Variants in NBEA observed in about 807,000 individuals in gnomAD.
NBEA encodes lysosomal-trafficking regulator 2.
A neutral mutation model predicts 343.4 loss-of-function variants in NBEA; 44 were observed. That is an observed-to-expected ratio of 0.13 (90% CI 0.10 to 0.16). The LOEUF (loss-of-function observed/expected upper bound fraction) is 0.16, where lower values mean the gene tolerates loss of function less well. Ranked by LOEUF, NBEA falls within the 10% of genes least tolerant of loss-of-function variation. NBEA has a pLI of 1.00. For missense variants in NBEA, 2,555 were observed against 3,631.3 expected (o/e 0.70, Z 7.62); for synonymous variants, 1,175 against 1,238.7 (o/e 0.95, Z 1.08).
chr13:35,528,835 C>T (rs964440389), intron 41 of NBEA, among the ~76,000 whole-genome samples: 1 of 152,072 alleles, frequency 6.6e-6, no homozygotes, highest in African/African-American at 2.4e-5. Context: ...AACTCATGGT[C>T]TTTTTCTAGG....
chr13:34,967,369 A>G (rs541210262), intron 1 of NBEA, among the ~76,000 whole-genome samples: 1 of 151,762 alleles, frequency 6.6e-6, no homozygotes. Context: ...TAAAAAAGCA[A>G]AACTGAGACC....
intron 38 of NBEA, among the ~76,000 whole-genome samples, chr13:35,373,338 C>T (rs1594392178): frequency 2.0e-5 from 3 of 152,258 alleles, no homozygotes; most frequent in Admixed American, 2.0e-4. Context: ...CCCCACATAA[C>T]ACATATTTTA....
chr13:35,447,574 G>A (rs1194754825), intron 39 of NBEA, among the ~76,000 whole-genome samples: 7 of 152,046 alleles, frequency 4.6e-5, no homozygotes, highest in Admixed American at 3.3e-4. Flanking sequence ...AATAACATAA[G>A]TGCGGTTTTG....
At chr13:35,357,181 A>AAAATGTT (rs58221490) in intron 38 of NBEA, among the ~76,000 whole-genome samples, 3 of 151,804 alleles carry the variant, frequency 2.0e-5, no homozygotes, top group South Asian at 4.1e-4. Flanking sequence ...TAGTTTTGAT[A>AAAATGTT]CTTTCCACAT....
At chr13:35,414,918 C>G (rs910980303) in intron 38 of NBEA, among the ~76,000 whole-genome samples, 3 of 152,062 alleles carry the variant, frequency 2.0e-5, no homozygotes, top group Non-Finnish European at 4.4e-5. Context: ...ATTCAATGAT[C>G]GCCATTCTAA....
intron 38 of NBEA, among the ~76,000 whole-genome samples, chr13:35,382,680 C>G (rs2152893053): frequency 6.6e-6 from 1 of 152,196 alleles, no homozygotes; most frequent in Non-Finnish European, 1.5e-5. Flanking sequence ...TTTTTTAAAT[C>G]ACAACTTTTT....
At position 35,098,344 on chromosome 13, in the gene NBEA, C is replaced by T. The variant is rs768144734; in HGVS notation, c.1619C>T (p.Ala540Val). 3.1e-6 allele frequency: 5 copies of T among 1,593,928 alleles called. No homozygotes were observed. The South Asian group carries it at 5.7e-5, about 18-fold the overall frequency. ...FLVELLKSSV[A>V]MQEQMLGGKG... ...GTTGAACTACTTAAAAGTTCAGTAG[C>T]CATGCAAGAACAGATGCTGGGTGGA... The change falls in exon 11 of 59, where the codon GCC becomes GTC. Residue 540 changes from alanine to valine, a missense_variant. Physicochemically the swap from Ala to Val is moderately conservative, Grantham distance 64. Coordinates refer to ENST00000379939, the MANE Select transcript of NBEA (RefSeq NM_001385012.1).
intron 41 of NBEA, among the ~76,000 whole-genome samples, chr13:35,543,614 C>T (rs953008427): frequency 6.6e-6 from 1 of 152,104 alleles, no homozygotes; most frequent in African/African-American, 2.4e-5. Context: ...TGCTCCTACC[C>T]CTCAACAGAT....
At chr13:35,103,931 T>A (rs2065784300) in intron 11 of NBEA, among the ~76,000 whole-genome samples, 1 of 151,900 alleles carries the variant, frequency 6.6e-6, no homozygotes, top group Non-Finnish European at 1.5e-5. Flanking sequence ...ATTGGTTACC[T>A]ACAATCCATT....
intron 44 of NBEA, among the ~76,000 whole-genome samples, chr13:35,560,984 G>A (rs909551852): frequency 2.0e-5 from 3 of 152,110 alleles, no homozygotes; most frequent in East Asian, 1.9e-4. Context: ...GGATTGAGCC[G>A]CAAGAAGCTG....
At chr13:35,588,485 T>G (rs1471494018) in intron 46 of NBEA, among the ~76,000 whole-genome samples, 1 of 152,166 alleles carries the variant, frequency 6.6e-6, no homozygotes, top group Non-Finnish European at 1.5e-5. Context: ...GTTATTTGTT[T>G]CAATGTACTT....
At chr13:35,239,044 A>C (rs2152776527) in intron 34 of NBEA, among the ~76,000 whole-genome samples, 1 of 152,254 alleles carries the variant, frequency 6.6e-6, no homozygotes, top group South Asian at 2.1e-4. Context: ...TAATTTCAGA[A>C]TTATTGTTTT....
intron 36 of NBEA, among the ~76,000 whole-genome samples, chr13:35,338,579 C>T (rs2039402238): frequency 6.6e-6 from 1 of 152,026 alleles, no homozygotes; most frequent in Non-Finnish European, 1.5e-5. Context: ...TCTCCCAAAA[C>T]ATAGACGAGG....
At chr13:35,249,700 T>C (rs992128901) in intron 34 of NBEA, among the ~76,000 whole-genome samples, 1 of 152,196 alleles carries the variant, frequency 6.6e-6, no homozygotes, top group African/African-American at 2.4e-5. Context: ...AATTAACATA[T>C]GATCTAGAAA....
chr13:35,080,100 A>G (rs886626182), intron 10 of NBEA, among the ~76,000 whole-genome samples: 3 of 152,100 alleles, frequency 2.0e-5, no homozygotes, highest in African/African-American at 7.2e-5. Context: ...TCCCTTTTCA[A>G]TGGTTGCCTA....
At chr13:35,422,429 G>A (rs928842069) in intron 38 of NBEA, among the ~76,000 whole-genome samples, 2 of 151,710 alleles carry the variant, frequency 1.3e-5, no homozygotes, top group Admixed American at 1.3e-4. Context: ...ATAGTCTGCT[G>A]CGAATGATGG....
intron 50 of NBEA, 102 bp downstream of exon 50, chr13:35,646,033 T>G: frequency 1.3e-6 from 1 of 798,000 alleles, no homozygotes; most frequent in Non-Finnish European, 2.0e-6. Flanking sequence ...CTTCTGGGAA[T>G]AAGAATAGTG....
chr13:35,274,601 A>G (rs915851795), intron 34 of NBEA, among the ~76,000 whole-genome samples: 1 of 152,218 alleles, frequency 6.6e-6, no homozygotes, highest in Non-Finnish European at 1.5e-5. Context: ...ACATAATTGT[A>G]TACTTAGAAA....
At chr13:35,063,657 C>T (rs1292879134) in intron 8 of NBEA, among the ~76,000 whole-genome samples, 1 of 151,836 alleles carries the variant, frequency 6.6e-6, no homozygotes, top group African/African-American at 2.4e-5. Flanking sequence ...AGCCTGATAC[C>T]AATTTGAAAA....
Sources: allele counts gnomAD v4.1 joint callset (sites outside exome capture counted in the v4.1 genomes callset), GRCh38; gene constraint gnomAD v4.1.1; transcripts MANE v1.5; gene names NCBI Gene and HGNC (gene_info 2026-07-23, HGNC 2026-07-21).